The following RPH3A variants were observed in gnomAD, a reference collection of about 807,000 sequenced individuals.
RPH3A encodes the protein rabphilin 3A.
In RPH3A, 48 loss-of-function variants were observed where a neutral mutation model predicts 102.2. The observed-to-expected ratio is 0.47, with a 90% confidence interval of 0.37 to 0.60. RPH3A has a LOEUF of 0.60. Among genes scored for constraint, RPH3A ranks in the 20% least tolerant of loss-of-function variants. RPH3A has a pLI of 0.00. For synonymous variants in RPH3A, 310 were observed against 324.3 expected (o/e 0.96, Z 0.47); for missense variants, 781 against 910.1 (o/e 0.86, Z 1.83).
intron 2 of RPH3A, among the ~76,000 whole-genome samples, chr12:112,824,745 G>T (rs2041838226): frequency 6.6e-6 from 1 of 152,154 alleles, no homozygotes; most frequent in Non-Finnish European, 1.5e-5. Context: ...GATGGAGCTG[G>T]GTGGTTTCCA....
chr12:112,810,438 C>T (rs534005270), intron 2 of RPH3A, among the ~76,000 whole-genome samples: 11 of 152,308 alleles, frequency 7.2e-5, no homozygotes, highest in African/African-American at 2.6e-4. Context: ...ATTTGCTGCT[C>T]GGCCCTGGTT....
intron 1 of RPH3A, among the ~76,000 whole-genome samples, chr12:112,581,581 C>A (rs888551189): frequency 6.6e-6 from 1 of 152,176 alleles, no homozygotes; most frequent in Non-Finnish European, 1.5e-5. Flanking sequence ...TGGGAGGTAG[C>A]TAGAGATGGG....
At chr12:112,586,606 C>T (rs1247149266) in intron 1 of RPH3A, among the ~76,000 whole-genome samples, 1 of 152,008 alleles carries the variant, frequency 6.6e-6, no homozygotes, top group Non-Finnish European at 1.5e-5. Flanking sequence ...TGGGTAGGGG[C>T]CAGGTCACTT....
chr12:112,592,658 GT>G (rs1409721821), intron 1 of RPH3A, among the ~76,000 whole-genome samples: 2 of 152,126 alleles, frequency 1.3e-5, no homozygotes, highest in East Asian at 3.9e-4. Context: ...TCGATCTGTG[GT>G]TGGTTGAATC....
At chr12:112,848,110 A>G (rs1252199024) in intron 5 of RPH3A, among the ~76,000 whole-genome samples, 1 of 152,126 alleles carries the variant, frequency 6.6e-6, no homozygotes, top group African/African-American at 2.4e-5. Context: ...CTGGGGGTGC[A>G]TTGAAGAAGG....
At chr12:112,826,159 A>G (rs2041868689) in intron 2 of RPH3A, among the ~76,000 whole-genome samples, 1 of 152,160 alleles carries the variant, frequency 6.6e-6, no homozygotes, top group Admixed American at 6.5e-5. Context: ...GACGAGGTGC[A>G]TTTAGGAATA....
chr12:112,829,562 A>AC (rs1374336574), intron 3 of RPH3A, among the ~76,000 whole-genome samples: 1 of 151,946 alleles, frequency 6.6e-6, no homozygotes, highest in Non-Finnish European at 1.5e-5. Flanking sequence ...GTAAGCCACC[A>AC]CCCCCAGCCT....
chr12:112,836,363 C>T (rs1340678239), intron 3 of RPH3A, 128 bp from the exon 4 acceptor site: 1 of 434,148 alleles, frequency 2.3e-6, no homozygotes. Context: ...ATGGCTGAAA[C>T]AAAATGGAAG....
In RPH3A at chr12:112,606,529, C is replaced by CG. The variant is rs578138512; in HGVS notation, c.-140+31211dup. Among the ~76,000 whole-genome samples, 568 of 152,098 alleles carry CG rather than the reference C, an allele frequency of 3.7e-3. 2 individuals carry two copies. Among genetic ancestry groups the CG allele is most frequent in the African/African-American group, 0.013 (535 of 41,488 alleles). On this transcript the variant is annotated intron_variant, in intron 1 of 21. Coordinates refer to the RPH3A transcript ENST00000543106. Reference sequence around the variant, plus strand: ...CCTGAGTAGCTGGGATTACAGTGCCCGCCACTATGGCTGGCTAATTTTTGG... The same window carrying CG: ...CCTGAGTAGCTGGGATTACAGTGCCCGGCCACTATGGCTGGCTAATTTTTGG...
chr12:112,740,228 T>C (rs2040699471), intron 1 of RPH3A, among the ~76,000 whole-genome samples: 1 of 152,168 alleles, frequency 6.6e-6, no homozygotes, highest in Non-Finnish European at 1.5e-5. Context: ...ATGAGTTAAT[T>C]TTAGTTAAAC....
At chr12:112,703,328 A>G (rs1427158461) in intron 1 of RPH3A, among the ~76,000 whole-genome samples, 3 of 152,208 alleles carry the variant, frequency 2.0e-5, no homozygotes, top group Non-Finnish European at 4.4e-5. Flanking sequence ...TGAAATAATG[A>G]AAAGGTTTTA....
At chr12:112,782,659 T>C (rs1038266873) in intron 1 of RPH3A, among the ~76,000 whole-genome samples, 2 of 152,222 alleles carry the variant, frequency 1.3e-5, no homozygotes, top group African/African-American at 4.8e-5. Flanking sequence ...CCAGGGACTG[T>C]ATTTATGAAT....
At chr12:112,793,371 A>T (rs1461172541) in intron 2 of RPH3A, among the ~76,000 whole-genome samples, 1 of 152,150 alleles carries the variant, frequency 6.6e-6, no homozygotes, top group Non-Finnish European at 1.5e-5. Context: ...ACCCCCAAGG[A>T]TTTCCTTTTT....
intron 1 of RPH3A, among the ~76,000 whole-genome samples, chr12:112,585,693 C>T (rs1007852386): frequency 7.9e-5 from 12 of 152,116 alleles, no homozygotes; most frequent in South Asian, 2.1e-4. Context: ...CAAGATCCTG[C>T]GCCACTGCAC....
At chr12:112,896,127 C>T (rs948025811) in intron 21 of RPH3A, among the ~76,000 whole-genome samples, 30 of 152,172 alleles carry the variant, frequency 2.0e-4, no homozygotes, top group African/African-American at 7.0e-4. Flanking sequence ...GAGAGATTTG[C>T]GTTCTCTGCA....
intron 1 of RPH3A, among the ~76,000 whole-genome samples, chr12:112,648,570 CAAAAAAAAAAA>C (rs1167121829): frequency 1.3e-3 from 14 of 11,042 alleles, no homozygotes; most frequent in African/African-American, 3.6e-3. Flanking sequence ...CCCATCTCTA[CAAAAAAAAAAA>C]AAAAAAAAAA....
At chr12:112,621,547 G>A (rs1323925409) in intron 1 of RPH3A, among the ~76,000 whole-genome samples, 5 of 147,186 alleles carry the variant, frequency 3.4e-5, no homozygotes, top group Admixed American at 2.0e-4. Context: ...CACCTGGCTC[G>A]GAGGGTCCTA....
intron 1 of RPH3A, among the ~76,000 whole-genome samples, chr12:112,737,174 TA>T (rs1200168212): frequency 1.6e-4 from 21 of 131,100 alleles, no homozygotes; most frequent in African/African-American, 3.4e-4. Flanking sequence ...AAAAACAAAA[TA>T]AAAAAAAAAC....
intron 1 of RPH3A, among the ~76,000 whole-genome samples, chr12:112,661,162 C>T (rs560740068): frequency 6.6e-6 from 1 of 152,254 alleles, no homozygotes; most frequent in South Asian, 2.1e-4. Flanking sequence ...GAGCCTCAGA[C>T]CCATGCTGTA....
Sources: allele counts gnomAD v4.1 joint callset (sites outside exome capture counted in the v4.1 genomes callset), GRCh38; gene constraint gnomAD v4.1.1; transcripts MANE v1.5; gene names NCBI Gene and HGNC (gene_info 2026-07-23, HGNC 2026-07-21).